Variants in WNK2 observed in about 807,000 individuals in gnomAD.
WNK2 encodes the protein serine/threonine-protein kinase WNK2.
A neutral mutation model predicts 192.1 loss-of-function variants in WNK2; 67 were observed. The observed-to-expected ratio is 0.35, with a 90% CI of 0.29 to 0.43. The LOEUF is 0.43. Among genes scored for constraint, WNK2 ranks in the 20% least tolerant of loss-of-function variants. WNK2 has a pLI of 1.00. For missense variants in WNK2, 2,698 were observed against 3,089.7 expected (o/e 0.87, Z 3.01); for synonymous variants, 1,439 against 1,393.9 (o/e 1.03, Z -0.72).
intron 28 of WNK2, chr9:93,315,780 CCCTTGTGTGT>C (rs1854535677): frequency 1.2e-5 from 1 of 85,236 alleles, no homozygotes; most frequent in Non-Finnish European, 2.3e-5. Flanking sequence ...TTTTGAAGAC[CCCTTGTGTGT>C]GTGTGTGTGT....
Position 93,229,998 on chromosome 9 carries a change from C to A in WNK2, c.854+130C>A. 1 of 1,149,656 alleles carries A rather than the reference C, an allele frequency of 8.7e-7. No individual in the cohort carries two copies. The allele number at this position is 1,149,656 out of a possible 1,614,324, so 71.2% of individuals were successfully genotyped here. A position where few individuals can be genotyped will look rare whatever the true frequency, so the allele number is the denominator to read the frequency against. On this transcript the variant is annotated intron_variant, in intron 3 of 29. Coordinates refer to ENST00000427277, the MANE Select transcript of WNK2 (RefSeq NM_006648.4). The surrounding 1 kb of genome is among the most constrained non-coding windows in gnomAD (Gnocchi z 4.9). Reference sequence around the variant, plus strand: ...TGTGGGAGGCTGTCTCCTCTTTCCTCTCCTGCATGGGATGCCAGGAGGTGG... The same window carrying A: ...TGTGGGAGGCTGTCTCCTCTTTCCTATCCTGCATGGGATGCCAGGAGGTGG...
intron 19 of WNK2, among the ~76,000 whole-genome samples, chr9:93,274,515 C>CAAAA (rs67350876): frequency 4.2e-5 from 5 of 118,400 alleles, no homozygotes; most frequent in South Asian, 2.6e-4. Flanking sequence ...CCGTCTCAAC[C>CAAAA]AAAAAAAAAA....
In WNK2 at chr9:93,247,244, GGGCGCT is replaced by G. The variant is rs1484538370; in HGVS notation, c.1543-296_1543-291del. Among the ~76,000 whole-genome samples, 3 of 152,200 alleles carry G rather than the reference GGGCGCT, an allele frequency of 2.0e-5. No homozygotes were observed. The highest frequency in any genetic ancestry group is 7.2e-5 in the African/African-American group (3 of 41,452). On this transcript the variant is annotated intron_variant, in intron 7 of 29. Transcript: ENST00000427277. This position sits in a 1 kb window ranked among gnomAD's most constrained non-coding sequence, Gnocchi z 5.2. ...CCTTCCCGTCTGCCACCAGCCCCGG[GGGCGCT>G]GGGAGCTCAGGGAGCCCTTGGGTCC...
chr9:93,212,247 C>G (rs1834919080), intron 2 of WNK2, among the ~76,000 whole-genome samples: 1 of 152,244 alleles, frequency 6.6e-6, no homozygotes. Context: ...CCAGGCTACT[C>G]TAGGTTTCAG....
rs369402351 is a variant in WNK2 at position 93,234,923 on chromosome 9, G to A, written c.1191G>A (p.Ser397=). 134 of 1,614,120 alleles carry A rather than the reference G, an allele frequency of 8.3e-5. No homozygotes were observed. The highest frequency in any genetic ancestry group is 2.2e-4 in the East Asian group (10 of 44,884). Residue 397 remains serine (S), a synonymous_variant, in exon 5 of 30, where the codon TCG becomes TCA. Coordinates refer to ENST00000427277, the MANE Select transcript of WNK2 (RefSeq NM_006648.4). ...TGGCCACCTCGGAGTACCCCTACTC[G>A]GAGTGCCAGAATGCGGCCCAGATCT... ...LEMATSEYPY[S]ECQNAAQIYR... is the part of the protein sequence containing the mutation.
In WNK2 at chr9:93,257,046, G is replaced by A; in HGVS notation, c.2289G>A (p.Leu763=). The A allele has an allele frequency of 1.9e-6, 3 of 1,605,024 alleles. No homozygotes were observed. Among genetic ancestry groups the A allele is most frequent in the Non-Finnish European group, 2.5e-6 (3 of 1,178,002 alleles). ...QPVPPHLPPY[L]APASQVGAPA... is the part of the protein sequence containing the mutation. ...TTCCCCCCCACCTGCCACCGTACCT[G>A]GCTCCAGCCTCCCAGGTGGGGGCCC... The change falls in exon 11 of 30, where the codon CTG becomes CTA. Residue 763 remains leucine (L), a synonymous_variant. Coordinates refer to ENST00000427277, the MANE Select transcript of WNK2 (RefSeq NM_006648.4). This position sits in a 1 kb window ranked among gnomAD's most constrained non-coding sequence, Gnocchi z 4.7.
chr9:93,277,867 GA>G (rs1041098808), intron 19 of WNK2, among the ~76,000 whole-genome samples: 1 of 152,042 alleles, frequency 6.6e-6, no homozygotes, highest in African/African-American at 2.4e-5. Context: ...TACCTGTGTT[GA>G]AAAAAGATGA....
intron 5 of WNK2, among the ~76,000 whole-genome samples, chr9:93,237,314 T>C (rs1839981316): frequency 6.6e-6 from 1 of 152,232 alleles, no homozygotes; most frequent in South Asian, 2.1e-4. Context: ...GTCATGTGCA[T>C]ATGTGACCTT....
At position 93,239,687 on chromosome 9, in the gene WNK2, A is replaced by G. The variant is rs1840421796; in HGVS notation, c.1323-70A>G. The G allele has an allele frequency of 7.1e-7, 1 of 1,406,370 alleles. No individual in the cohort carries two copies. Among genetic ancestry groups the G allele is most frequent in the African/African-American group, 1.4e-5 (1 of 70,160 alleles). The allele number at this position is 1,406,370 out of a possible 1,614,324, so 87.1% of individuals were successfully genotyped here. A position where few individuals can be genotyped will look rare whatever the true frequency, so the allele number is the denominator to read the frequency against. ...TGTGCCTGTCCTTGTCCTGGTGCGC[A>G]TGGACACAGGAGCCTGGGCATGGAG... is the stretch of plus-strand genomic sequence containing the variant. On this transcript the variant is annotated intron_variant, in intron 6 of 29. Coordinates refer to ENST00000427277, the MANE Select transcript of WNK2 (RefSeq NM_006648.4). This position sits in a 1 kb window ranked among gnomAD's most constrained non-coding sequence, Gnocchi z 4.2.
intron 2 of WNK2, among the ~76,000 whole-genome samples, chr9:93,212,673 G>A (rs534472892): frequency 3.3e-5 from 5 of 152,146 alleles, no homozygotes; most frequent in Non-Finnish European, 7.3e-5. Flanking sequence ...GAGCAGCATC[G>A]ACATGCAGGG....
At chr9:93,320,228 T>A in intron 29 of WNK2, 139 bp from the exon 30 acceptor site, 1 of 905,798 alleles carries the variant, frequency 1.1e-6, no homozygotes, top group Non-Finnish European at 1.6e-6. Context: ...GACAAGACCA[T>A]CTACACAGGG....
intron 23 of WNK2, among the ~76,000 whole-genome samples, chr9:93,296,628 CT>C: frequency 1.0e-5 from 1 of 100,340 alleles, no homozygotes; most frequent in Non-Finnish European, 2.1e-5. Context: ...CCTCACCTTC[CT>C]TCCCTTCCAT....
chr9:93,239,832 G>A lies in WNK2; in HGVS notation c.1398G>A (p.Glu466=), dbSNP rs777921869. The A allele has an allele frequency of 4.8e-5, 77 of 1,592,040 alleles. No homozygotes were observed. The East Asian group carries it at 1.7e-3, about 36-fold the overall frequency. The change falls in exon 7 of 30, where the codon GAG becomes GAA. Residue 466 remains glutamate (E), a synonymous_variant. Coordinates refer to ENST00000427277, the MANE Select transcript of WNK2 (RefSeq NM_006648.4). This position sits in a 1 kb window ranked among gnomAD's most constrained non-coding sequence, Gnocchi z 4.2. ...DTGVRVELAE[E]DHGRKSTIAL... Reference sequence around the variant, plus strand: ...GCGTGAGGGTGGAGCTCGCGGAGGAGGACCACGGCAGGAAGTCCACCATCG... The same window carrying A: ...GCGTGAGGGTGGAGCTCGCGGAGGAAGACCACGGCAGGAAGTCCACCATCG...
intron 23 of WNK2, among the ~76,000 whole-genome samples, chr9:93,295,747 C>G (rs1174687442): frequency 1.5e-5 from 2 of 133,152 alleles, no homozygotes; most frequent in Admixed American, 7.4e-5. Context: ...CCACCTTCCT[C>G]CCCTCTCTAT....
chr9:93,261,207 C>G (rs1345935314), intron 12 of WNK2, among the ~76,000 whole-genome samples: 1 of 152,200 alleles, frequency 6.6e-6, no homozygotes, highest in Non-Finnish European at 1.5e-5. Context: ...CCTTCCAGCC[C>G]TGAGAGGTGA....
intron 2 of WNK2, among the ~76,000 whole-genome samples, chr9:93,203,834 C>G (rs369230775): frequency 3.3e-5 from 5 of 151,990 alleles, no homozygotes; most frequent in African/African-American, 1.2e-4. Flanking sequence ...TGATTGAAGC[C>G]GGGGGAGGCT....
At chr9:93,250,706 C>T (rs1842476169) in intron 8 of WNK2, among the ~76,000 whole-genome samples, 1 of 151,778 alleles carries the variant, frequency 6.6e-6, no homozygotes. Flanking sequence ...CAGCTGGTGA[C>T]TGTAGTAGCA....
chr9:93,317,781 C>T, intron 29 of WNK2, 150 bp downstream of exon 29: 2 of 1,467,574 alleles, frequency 1.4e-6, no homozygotes, highest in Non-Finnish European at 9.1e-7. Flanking sequence ...CCCCCAGGTG[C>T]CCGTGCTGCC....
At chr9:93,206,501 G>T (rs912292836) in intron 2 of WNK2, among the ~76,000 whole-genome samples, 1 of 152,090 alleles carries the variant, frequency 6.6e-6, no homozygotes, top group African/African-American at 2.4e-5. Flanking sequence ...TGGATGCACC[G>T]GGGAGTTCTG....
Sources: gnomAD v4.1 joint callset for allele counts (sites outside exome capture counted in the v4.1 genomes callset) on GRCh38, gnomAD v4.1.1 for gene constraint, Gnocchi (gnomAD v3.1) non-coding constraint, MANE v1.5 for transcripts, NCBI Gene and HGNC (gene_info 2026-07-23, HGNC 2026-07-21) for gene names.